Variants in ADGRD2 observed in about 807,000 individuals in gnomAD.
ADGRD2 encodes the protein G protein-coupled receptor PGR24.
In ADGRD2, 71 loss-of-function variants were observed where a neutral mutation model predicts 44.4. That is an observed-to-expected ratio of 1.60 (90% CI 1.32 to 1.95). ADGRD2 has a LOEUF of 1.95. ADGRD2 is among the 30% of genes most tolerant of loss of function. The probability of loss-of-function intolerance (pLI) is 0.00; values close to 1 mark genes in which losing one functional copy is unlikely to be tolerated. For missense variants in ADGRD2, 1,039 were observed against 512.4 expected (o/e 2.03, Z -9.92); for synonymous variants, 481 against 224.8 (o/e 2.14, Z -10.19).
At chr9:124,468,031 C>T (rs7850687) in intron 12 of ADGRD2, 57 bp from the exon 16 acceptor site, 8,933 of 717,970 alleles carry the variant, frequency 0.012, 188 homozygotes, top group African/African-American at 0.073. Context: ...CAGGGCCCTA[C>T]GGGGTGTGGG....
rs1831576046 is a variant in ADGRD2 at position 124,454,527 on chromosome 9, G to A, written c.1068G>A (p.Gln356=). The A allele has an allele frequency of 4.2e-6, 3 of 717,370 alleles. No homozygotes were observed. The highest frequency in any genetic ancestry group is 2.3e-4 in the Middle Eastern group (1 of 4,368). 44.4% of individuals were successfully genotyped at this position (717,370 alleles called of 1,614,324 possible). A position where few individuals can be genotyped will look rare whatever the true frequency, so the allele number is the denominator to read the frequency against. Residue 356 remains glutamine (Q), a synonymous_variant, in exon 5 of 22, where the codon CAG becomes CAA. Transcript: ENST00000334810. This position sits in a 1 kb window ranked among gnomAD's most constrained non-coding sequence, Gnocchi z 4.5. ...AGGATGCCCAGTCGTGGCCTGGCCA[G>A]GATGTTATCAGCCGAGTCAATGCCT...
rs1027259544 is a variant in ADGRD2 at position 124,458,033 on chromosome 9, G to A, written c.1641-80G>A. The A allele has an allele frequency of 9.4e-5, 66 of 703,972 alleles. No homozygotes were observed. In the Middle Eastern group the frequency reaches 1.6e-3, roughly 17 times the overall value. 43.6% of individuals were successfully genotyped at this position (703,972 alleles called of 1,614,324 possible). A position where few individuals can be genotyped will look rare whatever the true frequency, so the allele number is the denominator to read the frequency against. On this transcript the variant is annotated intron_variant, in intron 8 of 21. Coordinates refer to ENST00000334810, the Ensembl canonical transcript of ADGRD2. ...TCAGTTTCCCTATCTCTAGAGTGGG[G>A]AGAGCATCACCCTCGGGGCCAACTG...
chr9:124,468,695 A>G, intron 14 of ADGRD2, 23 bp downstream of exon 17: 1 of 701,318 alleles, frequency 1.4e-6, no homozygotes, highest in Non-Finnish European at 2.6e-6. Context: ...CTGCACCCAC[A>G]CTCTCTTCTC....
chr9:124,458,345 C>T, intron 9 of ADGRD2, 109 bp downstream of exon 12: 1 of 646,504 alleles, frequency 1.5e-6, no homozygotes, highest in Non-Finnish European at 2.8e-6. Context: ...CAGGGCCCAC[C>T]CTTTCCCACC....
chr9:124,458,656 G>C, exon 10 of ADGRD2: 2 of 718,824 alleles, frequency 2.8e-6, no homozygotes, highest in East Asian at 5.4e-5. Flanking sequence ...CATCTCCTCT[G>C]AAGTGTGGGA....
At chr9:124,467,659 C>G in intron 11 of ADGRD2, 62 bp from the exon 15 acceptor site, 1 of 708,116 alleles carries the variant, frequency 1.4e-6, no homozygotes, top group Non-Finnish European at 2.6e-6. Context: ...CCAGGTGGGG[C>G]GAGTTCTGGC....
intron 17 of ADGRD2, among the ~76,000 whole-genome samples, chr9:124,472,453 TTTGTTTTTTGTTTG>T (rs1458562719): frequency 0.082 from 2,038 of 24,822 alleles, 33 homozygotes; most frequent in African/African-American, 0.29. Context: ...TGTTTGTTTG[TTTGTTTTTTGTTTG>T]TTTTTTGTTT....
chr9:124,476,295 T>A (rs976286824), intron 19 of ADGRD2, 62 bp from the exon 23 acceptor site: 3 of 660,244 alleles, frequency 4.5e-6, no homozygotes, highest in Non-Finnish European at 8.4e-6. Context: ...ACTCCCAGGA[T>A]GGGGGAGCAG....
intron 16 of ADGRD2, 34 bp downstream of exon 19, chr9:124,469,581 A>C: frequency 1.4e-6 from 1 of 716,030 alleles, no homozygotes; most frequent in Non-Finnish European, 2.6e-6. Flanking sequence ...AGCAGGAAGC[A>C]GGAAGTGCAC....
Position 124,467,873 on chromosome 9 carries a change from C to T in ADGRD2, c.2130+49C>T, listed in dbSNP as rs191926780. Reference sequence around the variant, plus strand: ...CCTGGTGGCCTGGGCCCTCCCGCCTCGCTCAGGCCTCCATGTCCCCATTGG... The same window carrying T: ...CCTGGTGGCCTGGGCCCTCCCGCCTTGCTCAGGCCTCCATGTCCCCATTGG... On this transcript the variant is annotated intron_variant, in intron 12 of 21. Coordinates refer to ENST00000334810, the Ensembl canonical transcript of ADGRD2. 1.8e-4 allele frequency: 128 copies of T among 716,474 alleles called. 1 individual carries two copies. In the Admixed American group the frequency reaches 2.2e-3, roughly 12 times the overall value. The allele number at this position is 716,474 out of a possible 1,614,324, so 44.4% of individuals were successfully genotyped here. A position where few individuals can be genotyped will look rare whatever the true frequency, so the allele number is the denominator to read the frequency against.
At chr9:124,462,138 G>A (rs1260625264) in intron 10 of ADGRD2, among the ~76,000 whole-genome samples, 2 of 151,866 alleles carry the variant, frequency 1.3e-5, no homozygotes, top group African/African-American at 2.4e-5. Flanking sequence ...GCTCACTGTA[G>A]GTTCGACCTC....
intron 21 of ADGRD2, 24 bp downstream of exon 24, chr9:124,476,733 C>A (rs904968118): frequency 5.7e-6 from 4 of 695,690 alleles, no homozygotes; most frequent in Non-Finnish European, 1.0e-5. Context: ...CTCACGGGGT[C>A]CCCTCTTTTC....
chr9:124,468,676 AGG>A lies in ADGRD2; in HGVS notation c.2387+5_2387+6del. 1.4e-6 allele frequency: 1 copy of A among 713,292 alleles called. No homozygotes were observed. 44.2% of individuals were successfully genotyped at this position (713,292 alleles called of 1,614,324 possible). A position where few individuals can be genotyped will look rare whatever the true frequency, so the allele number is the denominator to read the frequency against. ...CTCTACCACGCCACAGGCTGGGGTG[AGG>A]CCTGCTCTGCACCCACACTCTCTTC... On this transcript the variant is annotated splice_donor_5th_base_variant and intron_variant, in intron 14 of 21. Coordinates refer to ENST00000334810, the Ensembl canonical transcript of ADGRD2.
chr9:124,458,743 A>G (rs1831668737), intron 10 of ADGRD2, 22 bp downstream of exon 13: 5 of 716,176 alleles, frequency 7.0e-6, no homozygotes, highest in Non-Finnish European at 1.0e-5. Flanking sequence ...CGCTTCTGGG[A>G]AGCAGCCATC....
intron 6 of ADGRD2, 101 bp downstream of exon 9, chr9:124,455,228 G>A: frequency 1.7e-6 from 1 of 592,676 alleles, no homozygotes; most frequent in Non-Finnish European, 3.0e-6. Flanking sequence ...TCTAGCTATG[G>A]GCTCCATCTC....
At chr9:124,458,926 G>A (rs16927477) in intron 10 of ADGRD2, among the ~76,000 whole-genome samples, 5,262 of 152,312 alleles carry the variant, frequency 0.035, 287 homozygotes, top group East Asian at 0.22. Flanking sequence ...CCACAGATAC[G>A]CAGCCTTCGT....
At chr9:124,459,508 G>T (rs1002057394) in intron 10 of ADGRD2, among the ~76,000 whole-genome samples, 18 of 151,382 alleles carry the variant, frequency 1.2e-4, no homozygotes, top group Non-Finnish European at 5.9e-5. Context: ...AAAAAAAAAA[G>T]TTTTGTAGAT....
At chr9:124,466,435 G>C (rs777620984) in intron 11 of ADGRD2, 22 bp downstream of exon 14, 1 of 663,154 alleles carries the variant, frequency 1.5e-6, no homozygotes, top group Admixed American at 2.2e-5. Flanking sequence ...GTGGGAGGGG[G>C]GTGTCAGGAG....
intron 13 of ADGRD2, 108 bp downstream of exon 16, chr9:124,468,298 C>T: frequency 1.4e-6 from 1 of 697,770 alleles, no homozygotes; most frequent in East Asian, 2.7e-5. Context: ...GGCTCCACTT[C>T]CCTGGGGAGG....
Sources: gnomAD v4.1 joint callset for allele counts (sites outside exome capture counted in the v4.1 genomes callset) on GRCh38, gnomAD v4.1.1 for gene constraint, Gnocchi (gnomAD v3.1) non-coding constraint, MANE v1.5 for transcripts, NCBI Gene and HGNC (gene_info 2026-07-23, HGNC 2026-07-21) for gene names.